Variants in TJP1 observed in about 807,000 individuals in gnomAD.
The protein encoded by TJP1 is tight junction protein ZO-1.
Under a neutral mutation model 194.2 loss-of-function variants are expected in TJP1, and 43 were observed. The ratio of observed to expected loss-of-function variants is 0.22; its 90% confidence interval spans 0.17 to 0.29. TJP1 has a LOEUF of 0.29. TJP1 is among the 10% of genes least tolerant of loss of function. The pLI, the probability that TJP1 is intolerant of heterozygous loss-of-function variation, is 1.00. For missense variants in TJP1, 1,971 were observed against 2,185.7 expected (o/e 0.90, Z 1.96); for synonymous variants, 801 against 779.0 (o/e 1.03, Z -0.47).
At chr15:29,779,979 GC>G (rs2047256765) in intron 2 of TJP1, among the ~76,000 whole-genome samples, 1 of 147,138 alleles carries the variant, frequency 6.8e-6, no homozygotes, top group Non-Finnish European at 1.5e-5. Context: ...AATCCTCCCC[GC>G]CACCTCCCGA....
rs369888015 is a variant in TJP1 at position 29,726,987 on chromosome 15, T to C, written c.2105A>G (p.Lys702Arg). ...TGGTGTTACATCTAATAAAGCATGTTTGTCCTAGAAACAGAAAGAAAAATA... is the reference window on the plus strand; with the variant it reads ...TGGTGTTACATCTAATAAAGCATGTCTGTCCTAGAAACAGAAAGAAAAATA... ...HTIKQIIDQD[K>R]HALLDVTPNA... is the part of the protein sequence containing the mutation. Residue 702 changes from lysine (K) to arginine (R), a missense_variant, in exon 17 of 28, where the codon AAA becomes AGA. By Grantham distance (26) the Lys-to-Arg change is conservative (BLOSUM62 2). This residue lies in a region of TJP1 where 402 missense variants were observed against 484.2 expected (regional missense o/e 0.83). Transcript: ENST00000614355. The C allele has an allele frequency of 6.2e-7, 1 of 1,613,404 alleles. No individual in the cohort carries two copies. Among genetic ancestry groups the C allele is most frequent in the Non-Finnish European group, 8.5e-7 (1 of 1,179,762 alleles).
At chr15:29,889,866 G>A (rs912160208) in intron 2 of TJP1, among the ~76,000 whole-genome samples, 3 of 152,202 alleles carry the variant, frequency 2.0e-5, no homozygotes, top group African/African-American at 7.2e-5. Flanking sequence ...CTTAGTAAAC[G>A]ACTAAGTCTT....
At chr15:29,767,703 C>T (rs536134780) in intron 4 of TJP1, among the ~76,000 whole-genome samples, 1 of 152,212 alleles carries the variant, frequency 6.6e-6, no homozygotes, top group African/African-American at 2.4e-5. Flanking sequence ...TTCAAGATCC[C>T]AGCCACTCAG....
chr15:29,831,882 G>C (rs148591346), intron 2 of TJP1, among the ~76,000 whole-genome samples: 1 of 152,178 alleles, frequency 6.6e-6, no homozygotes, highest in Admixed American at 6.5e-5. Context: ...TTCAAAATTG[G>C]TGAATCAGGC....
chr15:29,847,614 T>C (rs537084126), intron 2 of TJP1, among the ~76,000 whole-genome samples: 10 of 152,136 alleles, frequency 6.6e-5, no homozygotes, highest in Admixed American at 6.6e-4. Flanking sequence ...TGAAATCTCA[T>C]CTCTACTAAA....
chr15:29,799,864 A>G (rs1156742283), intron 2 of TJP1, among the ~76,000 whole-genome samples: 1 of 152,224 alleles, frequency 6.6e-6, no homozygotes, highest in Non-Finnish European at 1.5e-5. Context: ...AGAAATAGTA[A>G]GTGTAAAGTG....
At chr15:29,887,466 A>AT (rs1311606292) in intron 2 of TJP1, among the ~76,000 whole-genome samples, 6 of 151,608 alleles carry the variant, frequency 4.0e-5, no homozygotes, top group African/African-American at 1.5e-4. Context: ...AGCTTGACTA[A>AT]TTTTTTGTAT....
At chr15:29,854,148 G>A (rs929651250) in intron 2 of TJP1, among the ~76,000 whole-genome samples, 42 of 152,106 alleles carry the variant, frequency 2.8e-4, no homozygotes, top group African/African-American at 8.7e-4. Context: ...TGTGCAAAAT[G>A]TAATATTTTA....
chr15:29,754,330 A>T (rs993115595), intron 8 of TJP1, among the ~76,000 whole-genome samples: 1 of 152,176 alleles, frequency 6.6e-6, no homozygotes, highest in Non-Finnish European at 1.5e-5. Context: ...GTAAGAACTT[A>T]CGAACACAAA....
At chr15:29,907,853 C>A (rs2053868725) in intron 2 of TJP1, among the ~76,000 whole-genome samples, 1 of 151,654 alleles carries the variant, frequency 6.6e-6, no homozygotes, top group East Asian at 1.9e-4. Context: ...TTGAACACCG[C>A]CTAATTCCTT....
intron 17 of TJP1, 151 bp from the exon 18 acceptor site, chr15:29,726,630 T>C: frequency 8.9e-7 from 1 of 1,120,180 alleles, no homozygotes; most frequent in Non-Finnish European, 1.3e-6. Flanking sequence ...CTGTATATTT[T>C]CTTTTAACCA....
At chr15:29,840,514 T>A (rs2051185470) in intron 2 of TJP1, among the ~76,000 whole-genome samples, 1 of 152,130 alleles carries the variant, frequency 6.6e-6, no homozygotes, top group South Asian at 2.1e-4. Context: ...CGGCAGACTT[T>A]CCCGTGAGAG....
At chr15:29,721,299 T>C (rs2042914667) in intron 18 of TJP1, among the ~76,000 whole-genome samples, 1 of 152,152 alleles carries the variant, frequency 6.6e-6, no homozygotes, top group Non-Finnish European at 1.5e-5. Context: ...TGGTTTCTAA[T>C]GGTTTAGCAC....
At chr15:29,711,079 C>G (rs552280852) in intron 23 of TJP1, 79 bp from the exon 24 acceptor site, 963 of 1,434,250 alleles carry the variant, frequency 6.7e-4, no homozygotes, top group Non-Finnish European at 8.6e-4. Context: ...CTCCATGTAT[C>G]TCTAAGTTAA....
At chr15:29,880,039 A>C (rs2052868337) in intron 2 of TJP1, among the ~76,000 whole-genome samples, 1 of 152,210 alleles carries the variant, frequency 6.6e-6, no homozygotes, top group Admixed American at 6.5e-5. Context: ...TTATCATTAG[A>C]ATACAATTAA....
At chr15:29,829,820 T>C (rs1260297477) in intron 2 of TJP1, among the ~76,000 whole-genome samples, 2 of 152,140 alleles carry the variant, frequency 1.3e-5, no homozygotes, top group African/African-American at 2.4e-5. Flanking sequence ...GAGGTAAGCA[T>C]ACTTTTTATT....
intron 1 of TJP1, among the ~76,000 whole-genome samples, chr15:29,965,094 A>G (rs2056286739): frequency 6.6e-6 from 1 of 152,232 alleles, no homozygotes; most frequent in South Asian, 2.1e-4. Context: ...CTTTCCATAT[A>G]GACTGCAGTA....
chr15:29,941,096 C>T (rs2055057490), intron 2 of TJP1, among the ~76,000 whole-genome samples: 1 of 152,222 alleles, frequency 6.6e-6, no homozygotes, highest in Non-Finnish European at 1.5e-5. Flanking sequence ...ATTATCCCTC[C>T]TTTCAAGGTT....
chr15:29,904,547 A>C (rs73371128), intron 2 of TJP1, among the ~76,000 whole-genome samples: 9,410 of 151,996 alleles, frequency 0.062, 432 homozygotes, highest in South Asian at 0.12. Flanking sequence ...GGCTATAAAC[A>C]AATAATTTAC....
Sources: allele counts gnomAD v4.1 joint callset (sites outside exome capture counted in the v4.1 genomes callset), GRCh38; gene constraint gnomAD v4.1.1; regional missense constraint gnomAD v4.1.1; transcripts MANE v1.5; gene names NCBI Gene and HGNC (gene_info 2026-07-23, HGNC 2026-07-21).